Variants in TNS1 observed in about 807,000 individuals in gnomAD.
The protein encoded by TNS1 is tensin 1.
In TNS1, 62 loss-of-function variants were observed where a neutral mutation model predicts 168.6. The observed-to-expected ratio is 0.37, with a 90% confidence interval of 0.30 to 0.45. The LOEUF (loss-of-function observed/expected upper bound fraction) is 0.45, where lower values mean the gene tolerates loss of function less well. Among genes scored for constraint, TNS1 ranks in the 20% least tolerant of loss-of-function variants. The pLI is 1.00. For synonymous variants in TNS1, 934 were observed against 933.2 expected (o/e 1.00, Z -0.02); for missense variants, 2,240 against 2,339.4 (o/e 0.96, Z 0.88).
Position 218,031,227 on chromosome 2 carries a change from TGA to T in TNS1, c.156+2591_156+2592del, listed in dbSNP as rs1412023378. ...GTGAGTGTGTCTGTGTGTATGAGTG[TGA>T]GTGTGTGAGCATGTCTGTGTGTGAG... On this transcript the variant is annotated intron_variant, in intron 1 of 1. Coordinates refer to the TNS1 transcript ENST00000649572. 1.2e-4 allele frequency among the ~76,000 whole-genome samples: 15 copies of T among 127,124 alleles called. 1 individual carries two copies. Among genetic ancestry groups the T allele is most frequent in the South Asian group, 5.8e-4 (2 of 3,474 alleles). The allele number at this position is 127,124 out of a possible 152,430, so 83.4% of individuals were successfully genotyped here.
intron 1 of TNS1, among the ~76,000 whole-genome samples, chr2:218,031,124 G>GTC (rs1357920024): frequency 2.2e-5 from 2 of 92,608 alleles, no homozygotes; most frequent in Non-Finnish European, 3.8e-5. Flanking sequence ...GTGTGAGCAT[G>GTC]TCTGTGTGTG....
intron 3 of TNS1, among the ~76,000 whole-genome samples, chr2:217,970,087 G>A (rs1034862648): frequency 1.3e-5 from 2 of 152,228 alleles, no homozygotes; most frequent in Admixed American, 6.5e-5. Context: ...TGAAGACAGA[G>A]GATGGGTGAT....
intron 22 of TNS1, chr2:217,830,542 G>C: frequency 2.1e-6 from 2 of 935,748 alleles, no homozygotes; most frequent in Non-Finnish European, 3.2e-6. Context: ...GAGGAGCTGG[G>C]AAATGGGAGG....
At chr2:217,845,932 C>T (rs149008262) in intron 19 of TNS1, among the ~76,000 whole-genome samples, 100 of 152,304 alleles carry the variant, frequency 6.6e-4, no homozygotes, top group African/African-American at 2.3e-3. Flanking sequence ...TAGGCCACCA[C>T]TCCAACCTTG....
chr2:217,972,152 A>C (rs1957786757), intron 3 of TNS1, among the ~76,000 whole-genome samples: 1 of 152,216 alleles, frequency 6.6e-6, no homozygotes, highest in Admixed American at 6.5e-5. Flanking sequence ...GAGCTCTACA[A>C]GATAAGTACT....
At chr2:217,937,270 C>T (rs1481661166) in intron 3 of TNS1, 3 of 340,806 alleles carry the variant, frequency 8.8e-6, no homozygotes, top group African/African-American at 6.4e-5. Flanking sequence ...GGTGGATGCC[C>T]TCAAAGGCTT....
At chr2:218,013,123 G>A (rs143369619), upstream of TNS1, among the ~76,000 whole-genome samples, 363 of 152,106 alleles carry the variant, frequency 2.4e-3, 2 homozygotes, top group African/African-American at 8.2e-3. Flanking sequence ...GTGCGTGGTG[G>A]CAGGTACCTG....
rs1444198691 is a variant in TNS1, at chr2:217,848,994, T to G, written c.1523A>C (p.Asn508Thr). 2 of 1,613,866 alleles carry G rather than the reference T, an allele frequency of 1.2e-6. No homozygotes were observed. The highest frequency in any genetic ancestry group is 2.7e-5 in the African/African-American group (2 of 74,842). ...DSLHGSTGAV[N>T]ATRPTLSATP... is the part of the protein sequence containing the mutation. ...GGCCGACAGTGTAGGACGTGTGGCA[T>G]TAACAGCCCCGGTGCTGCCGTGCAG... Residue 508 changes from asparagine (N) to threonine (T), a missense_variant, in exon 19 of 33, where the codon AAT becomes ACT. Asn to Thr is a moderately conservative substitution (Grantham distance 65). This residue lies in a region of TNS1 where 2,131 missense variants were observed against 2,171.2 expected (regional missense o/e 0.98). Transcript: ENST00000682258.
rs1941858211 is a variant in TNS1, at chr2:217,816,173, C to G, written c.4643-1175G>C. 2.0e-5 allele frequency among the ~76,000 whole-genome samples: 3 copies of G among 152,154 alleles called. No homozygotes were observed. In the South Asian group the frequency reaches 6.2e-4, roughly 32 times the overall value. ...AGAGGCCCTAGCAGTCAGTTTAGGACCAGCTAAACTGTATCTTCCTGTCTA... is the reference window on the plus strand; with the variant it reads ...AGAGGCCCTAGCAGTCAGTTTAGGAGCAGCTAAACTGTATCTTCCTGTCTA... On this transcript the variant is annotated intron_variant, in intron 24 of 32. Transcript: ENST00000682258.
At chr2:217,892,436 G>T (rs1044115683) in intron 11 of TNS1, among the ~76,000 whole-genome samples, 2 of 152,250 alleles carry the variant, frequency 1.3e-5, no homozygotes, top group Non-Finnish European at 2.9e-5. Context: ...AAACGAATGG[G>T]TGAATCCCTC....
At chr2:217,966,858 C>T (rs761078223) in intron 3 of TNS1, among the ~76,000 whole-genome samples, 1 of 152,174 alleles carries the variant, frequency 6.6e-6, no homozygotes, top group Non-Finnish European at 1.5e-5. Flanking sequence ...CTCTCAGACC[C>T]GAGCAGGAAG....
intron 4 of TNS1, among the ~76,000 whole-genome samples, chr2:217,908,348 G>C (rs539976722): frequency 6.6e-5 from 10 of 152,200 alleles, no homozygotes; most frequent in Non-Finnish European, 1.3e-4. Context: ...AGAGGATTCT[G>C]ATCCACCGTT....
chr2:217,874,014 C>T (rs1266168309), intron 18 of TNS1, among the ~76,000 whole-genome samples: 2 of 129,362 alleles, frequency 1.5e-5, no homozygotes, highest in Non-Finnish European at 3.2e-5. Flanking sequence ...CCACCCCCGC[C>T]CCCCAACCAA....
At chr2:217,954,650 G>C (rs907838816) in intron 3 of TNS1, among the ~76,000 whole-genome samples, 1 of 152,152 alleles carries the variant, frequency 6.6e-6, no homozygotes, top group Non-Finnish European at 1.5e-5. Context: ...AGAGAGTCCA[G>C]TGCCAACTCC....
chr2:217,815,185 C>A, intron 24 of TNS1, 187 bp from the exon 25 acceptor site: 1 of 590,364 alleles, frequency 1.7e-6, no homozygotes, highest in Non-Finnish European at 3.1e-6. Context: ...TGCCTGTATG[C>A]CTGGTGTCCT....
At chr2:217,845,715 C>T (rs1946549678) in intron 19 of TNS1, among the ~76,000 whole-genome samples, 1 of 152,114 alleles carries the variant, frequency 6.6e-6, no homozygotes, top group South Asian at 2.1e-4. Flanking sequence ...GTCAAGCCTT[C>T]GAAAGCTGGT....
chr2:217,882,101 T>C (rs981409954), intron 17 of TNS1: 41 of 387,780 alleles, frequency 1.1e-4, no homozygotes, highest in Non-Finnish European at 1.5e-4. Context: ...GATGACCTAA[T>C]GGGACCAGAA....
At position 217,835,163 on chromosome 2, in the gene TNS1, G is replaced by T; in HGVS notation, c.3208C>A (p.His1070Asn). 1 of 1,600,926 alleles carries T rather than the reference G, an allele frequency of 6.2e-7. No homozygotes were observed. Among genetic ancestry groups the T allele is most frequent in the Non-Finnish European group, 8.5e-7 (1 of 1,174,972 alleles). Residue 1070 changes from histidine (H) to asparagine (N), a missense_variant, in exon 21 of 33, where the codon CAT (histidine) becomes AAT (asparagine). Transcript: ENST00000682258. ...LNPGGRPKEP[H>N]LHSYKEAFEE... ...AAGGCCTCCTTGTAGCTGTGCAAAT[G>T]GGGCTGTGGGAGAACACAGGGGAGA...
chr2:217,808,888 G>C (rs1004918636), intron 30 of TNS1, among the ~76,000 whole-genome samples: 1 of 152,202 alleles, frequency 6.6e-6, no homozygotes, highest in African/African-American at 2.4e-5. Context: ...AATGCTAGGG[G>C]CTGGGGAAGG....
Sources: allele counts gnomAD v4.1 joint callset (sites outside exome capture counted in the v4.1 genomes callset), GRCh38; gene constraint gnomAD v4.1.1; regional missense constraint gnomAD v4.1.1; transcripts MANE v1.5; gene names NCBI Gene and HGNC (gene_info 2026-07-23, HGNC 2026-07-21).